CLASP1: variants seen among roughly 807,000 people sequenced by gnomAD.
The protein encoded by CLASP1 is cytoplasmic linker associated protein 1, also known as CLIP-associating protein 1.
CLASP1 carries 38 observed loss-of-function variants against 192.3 expected under a neutral mutation model. The ratio of observed to expected loss-of-function variants is 0.20; its 90% CI spans 0.15 to 0.26. The LOEUF (loss-of-function observed/expected upper bound fraction) is 0.26, where lower values mean the gene tolerates loss of function less well. CLASP1 is among the 10% of genes least tolerant of loss of function. The probability of loss-of-function intolerance (pLI) is 1.00; values close to 1 mark genes in which losing one functional copy is unlikely to be tolerated. For missense variants in CLASP1, 1,433 were observed against 1,932.5 expected, an observed-to-expected ratio of 0.74 and a Z score of 4.85; for synonymous variants, 691 against 712.8, an observed-to-expected ratio of 0.97 and a Z score of 0.49.
intron 1 of CLASP1, among the ~76,000 whole-genome samples, chr2:121,621,342 C>G (rs1042784605): frequency 1.3e-5 from 2 of 151,954 alleles, no homozygotes; most frequent in Admixed American, 1.3e-4. Context: ...ACTATGTTGC[C>G]CAGGCTGATC....
chr2:121,581,365 C>T (rs2061142557), intron 2 of CLASP1, among the ~76,000 whole-genome samples: 1 of 149,118 alleles, frequency 6.7e-6, no homozygotes, highest in South Asian at 2.1e-4. Context: ...AGCTCCGCTT[C>T]CCGGGTTCAC....
intron 8 of CLASP1, among the ~76,000 whole-genome samples, chr2:121,496,193 T>C (rs552663978): frequency 6.6e-6 from 1 of 152,368 alleles, no homozygotes; most frequent in Admixed American, 6.5e-5. Flanking sequence ...CAGATATTTG[T>C]TGCCTAGTCC....
At chr2:121,528,700 T>C in exon 4 of CLASP1, 2 of 1,614,032 alleles carry the variant, frequency 1.2e-6, no homozygotes, top group Non-Finnish European at 1.7e-6. Flanking sequence ...GCTTGATCCA[T>C]GATCTTTAGC....
chr2:121,385,196 A>G (rs534063157), intron 32 of CLASP1, among the ~76,000 whole-genome samples: 5 of 152,370 alleles, frequency 3.3e-5, no homozygotes, highest in Admixed American at 2.0e-4. Flanking sequence ...GATAACATGA[A>G]GCAGTTTTTC....
chr2:121,521,508 A>G (rs1298979113), intron 6 of CLASP1, among the ~76,000 whole-genome samples: 4 of 152,140 alleles, frequency 2.6e-5, no homozygotes, highest in African/African-American at 9.7e-5. Context: ...CAGATCCCGG[A>G]AACTTCCTAC....
intron 23 of CLASP1, among the ~76,000 whole-genome samples, chr2:121,417,419 C>A (rs545585596): frequency 6.6e-6 from 1 of 151,128 alleles, no homozygotes; most frequent in African/African-American, 2.4e-5. Flanking sequence ...AGATATACAG[C>A]CTTAATTTAA....
intron 32 of CLASP1, among the ~76,000 whole-genome samples, chr2:121,382,803 C>T (rs953741004): frequency 2.6e-5 from 4 of 152,240 alleles, no homozygotes; most frequent in African/African-American, 9.6e-5. Context: ...AGAGACCGTG[C>T]TACTCTGACC....
chr2:121,583,878 G>C (rs889917425), intron 2 of CLASP1, among the ~76,000 whole-genome samples: 1 of 150,736 alleles, frequency 6.6e-6, no homozygotes, highest in Non-Finnish European at 1.5e-5. Flanking sequence ...AAAGTGTTAG[G>C]GTCTTTTCTG....
At chr2:121,394,015 C>G (rs542328786) in intron 30 of CLASP1, among the ~76,000 whole-genome samples, 3 of 152,228 alleles carry the variant, frequency 2.0e-5, no homozygotes, top group East Asian at 1.9e-4. Flanking sequence ...ACTATGGAAG[C>G]CTTCTGCCAA....
chr2:121,340,163 T>G, exon 40 of CLASP1: 1 of 152,232 alleles, frequency 6.6e-6, no homozygotes, highest in African/African-American at 2.4e-5. Flanking sequence ...GCATGGAAGC[T>G]CTGGGGTAGG....
chr2:121,558,392 C>G lies in CLASP1; in HGVS notation c.196-28067G>C, dbSNP rs550574930. Among the ~76,000 whole-genome samples, 7 of 152,302 alleles carry G rather than the reference C, an allele frequency of 4.6e-5. No individual in the cohort carries two copies. In the East Asian group the frequency reaches 5.8e-4, roughly 13 times the overall value. ...TCTGCTATGGTTTGAATGTGCCCCC[C>G]CAAATTTCACGTTATAAATTTAATC... On this transcript the variant is annotated intron_variant, in intron 2 of 39. Transcript: ENST00000263710.
At chr2:121,623,801 T>A (rs1446400452) in intron 1 of CLASP1, among the ~76,000 whole-genome samples, 1 of 152,162 alleles carries the variant, frequency 6.6e-6, no homozygotes, top group Non-Finnish European at 1.5e-5. Flanking sequence ...TGAGCCAACA[T>A]CACATCACTG....
intron 22 of CLASP1, 30 bp downstream of exon 22, chr2:121,425,109 T>C (rs367579397): frequency 3.8e-6 from 6 of 1,574,388 alleles, no homozygotes; most frequent in African/African-American, 2.7e-5. Context: ...AAGCTGGGAA[T>C]GGTATTCCAA....
chr2:121,455,215 G>A (rs1317986586), intron 14 of CLASP1, among the ~76,000 whole-genome samples: 1 of 152,128 alleles, frequency 6.6e-6, no homozygotes, highest in Admixed American at 6.5e-5. Context: ...CTTTTTTCGT[G>A]ACTTTAGATA....
intron 2 of CLASP1, among the ~76,000 whole-genome samples, chr2:121,567,552 T>C (rs2059614165): frequency 6.6e-6 from 1 of 152,238 alleles, no homozygotes; most frequent in Non-Finnish European, 1.5e-5. Context: ...GCACTCTGCA[T>C]CTCTTGTAAC....
chr2:121,424,808 C>T (rs775819419), intron 22 of CLASP1, among the ~76,000 whole-genome samples: 8 of 152,134 alleles, frequency 5.3e-5, no homozygotes, highest in Non-Finnish European at 1.0e-4. Flanking sequence ...TAGTGCTAAT[C>T]AGTAAAAGGA....
At chr2:121,519,338 T>G (rs758157155) in intron 6 of CLASP1, among the ~76,000 whole-genome samples, 2 of 152,104 alleles carry the variant, frequency 1.3e-5, no homozygotes, top group Non-Finnish European at 2.9e-5. Flanking sequence ...GAGTGAGTGA[T>G]TGCAGCAGGC....
intron 19 of CLASP1, among the ~76,000 whole-genome samples, chr2:121,436,493 T>C: frequency 6.6e-6 from 1 of 150,536 alleles, no homozygotes; most frequent in Non-Finnish European, 1.5e-5. Flanking sequence ...TCACTGCAAT[T>C]TCCACCTCCC....
chr2:121,418,867 T>C (rs1345220597), intron 22 of CLASP1, 138 bp from the exon 23 acceptor site: 3 of 642,820 alleles, frequency 4.7e-6, no homozygotes, highest in Non-Finnish European at 5.6e-6. Flanking sequence ...CTGAGCCACC[T>C]ATCCATGCTG....
Sources: allele counts gnomAD v4.1 joint callset (sites outside exome capture counted in the v4.1 genomes callset), GRCh38; gene constraint gnomAD v4.1.1; transcripts MANE v1.5; gene names NCBI Gene and HGNC (gene_info 2026-07-23, HGNC 2026-07-21).